Variants in ABCA13 observed in about 807,000 individuals in gnomAD.
ABCA13 encodes the protein ATP binding cassette subfamily A member 13, also known as ATP-binding cassette sub-family A member 13.
Under a neutral mutation model 478.7 loss-of-function variants are expected in ABCA13, and 476 were observed. The observed-to-expected ratio is 0.99, with a 90% CI of 0.92 to 1.07. The LOEUF is 1.07. ABCA13 is among the 50% of genes least tolerant of loss of function. The pLI, the probability that ABCA13 is intolerant of heterozygous loss-of-function variation, is 0.00. For missense variants in ABCA13, 6,060 were observed against 5,910.6 expected, an observed-to-expected ratio of 1.03 and a Z score of -0.83; for synonymous variants, 2,252 against 2,158.9, an observed-to-expected ratio of 1.04 and a Z score of -1.20.
intron 42 of ABCA13, among the ~76,000 whole-genome samples, chr7:48,449,988 C>G (rs1222401702): frequency 6.6e-6 from 1 of 152,186 alleles, no homozygotes; most frequent in Non-Finnish European, 1.5e-5. Context: ...ATGTATATTT[C>G]ACTGTGCTGT....
intron 42 of ABCA13, among the ~76,000 whole-genome samples, chr7:48,452,769 T>G (rs1473120915): frequency 6.6e-6 from 1 of 152,202 alleles, no homozygotes; most frequent in African/African-American, 2.4e-5. Flanking sequence ...GCATTTTACC[T>G]TGTCAGAGAA....
intron 42 of ABCA13, among the ~76,000 whole-genome samples, chr7:48,444,440 G>T (rs1056706172): frequency 1.3e-5 from 2 of 152,076 alleles, no homozygotes; most frequent in South Asian, 2.1e-4. Context: ...GTTTCAAAAG[G>T]CATCATCCTT....
intron 36 of ABCA13, among the ~76,000 whole-genome samples, chr7:48,388,580 C>T (rs1815548598): frequency 6.6e-6 from 1 of 152,176 alleles, no homozygotes; most frequent in African/African-American, 2.4e-5. Context: ...AACAAGCTCC[C>T]ATCGTGGTGG....
intron 43 of ABCA13, among the ~76,000 whole-genome samples, chr7:48,459,942 T>G (rs1427031874): frequency 1.3e-5 from 2 of 152,122 alleles, no homozygotes; most frequent in African/African-American, 4.8e-5. Context: ...TACCACTAGT[T>G]CACTGCATTA....
intron 29 of ABCA13, among the ~76,000 whole-genome samples, chr7:48,349,180 G>A (rs561025483): frequency 6.6e-6 from 1 of 152,316 alleles, no homozygotes; most frequent in African/African-American, 2.4e-5. Flanking sequence ...TATTATTGTA[G>A]ATATTTAGCA....
In ABCA13 at chr7:48,403,817, C is replaced by T. The variant is rs1268499687; in HGVS notation, c.12008C>T (p.Thr4003Ile). The T allele has an allele frequency of 1.9e-6, 3 of 1,613,868 alleles. No individual in the cohort carries two copies. The highest frequency in any genetic ancestry group is 1.1e-5 in the South Asian group (1 of 91,064). The change falls in exon 39 of 62, where the codon ACC becomes ATC. Residue 4003 changes from threonine (T) to isoleucine (I), a missense_variant. This residue lies in a region of ABCA13 where 1,627 missense variants were observed against 1,571.0 expected (regional missense o/e 1.04). Coordinates refer to ENST00000435803, the MANE Select transcript of ABCA13 (RefSeq NM_152701.5). Reference sequence around the variant, plus strand: ...AGGACCGTGGTTCTGGATGAGCCCACCAGTGGGGTGGACCCTTGCTCCCGG... The same window carrying T: ...AGGACCGTGGTTCTGGATGAGCCCATCAGTGGGGTGGACCCTTGCTCCCGG... ...MSRTVVLDEPTSGVDPCSRHS... is the reference protein window; with the variant it reads ...MSRTVVLDEPISGVDPCSRHS...
chr7:48,416,962 G>A (rs1422079920), intron 41 of ABCA13, among the ~76,000 whole-genome samples: 2 of 150,446 alleles, frequency 1.3e-5, no homozygotes, highest in Non-Finnish European at 3.0e-5. Context: ...TTAAACAGGA[G>A]TTACCCATTT....
At chr7:48,527,419 C>A (rs1437599123) in intron 54 of ABCA13, among the ~76,000 whole-genome samples, 1 of 152,058 alleles carries the variant, frequency 6.6e-6, no homozygotes. Flanking sequence ...CAGTTTGTAT[C>A]CATAGATCGC....
chr7:48,376,535 T>C lies in ABCA13; in HGVS notation c.11298T>C (p.Tyr3766=). ...TGATTCTTTTTGATTCAAGCCTTTA[T>C]TTTTTGTGTGGATGGTACTTGAGCA... is the stretch of plus-strand genomic sequence containing the variant. The part of the protein sequence containing the change: ...CWMILFDSSL[Y]FLCGWYLSNL... Residue 3766 remains tyrosine, a synonymous_variant, in exon 35 of 62, where the codon TAT becomes TAC. Coordinates refer to ENST00000435803, the MANE Select transcript of ABCA13 (RefSeq NM_152701.5). 1 of 1,613,898 alleles carries C rather than the reference T, an allele frequency of 6.2e-7. No homozygotes were observed. Among genetic ancestry groups the C allele is most frequent in the Non-Finnish European group, 8.5e-7 (1 of 1,179,808 alleles).
At chr7:48,196,750 T>A (rs983250119) in intron 2 of ABCA13, among the ~76,000 whole-genome samples, 1 of 152,152 alleles carries the variant, frequency 6.6e-6, no homozygotes, top group Admixed American at 6.5e-5. Flanking sequence ...TTCTGATGTG[T>A]TCCTGGAGAG....
chr7:48,353,085 C>T (rs950109844), intron 31 of ABCA13, among the ~76,000 whole-genome samples: 1 of 151,780 alleles, frequency 6.6e-6, no homozygotes, highest in Non-Finnish European at 1.5e-5. Context: ...TCAGGGAGGC[C>T]AGGCAGGGGA....
chr7:48,368,714 T>TATAC (rs1455176603), intron 32 of ABCA13, among the ~76,000 whole-genome samples: 14 of 118,570 alleles, frequency 1.2e-4, no homozygotes, highest in Admixed American at 1.7e-4. Flanking sequence ...TATATATATA[T>TATAC]ACACATACAC....
intron 42 of ABCA13, among the ~76,000 whole-genome samples, chr7:48,443,229 AGTTT>A (rs1823862914): frequency 6.6e-6 from 1 of 152,170 alleles, no homozygotes; most frequent in Admixed American, 6.5e-5. Context: ...AGTCTGTGGT[AGTTT>A]GTTTGGCAGC....
chr7:48,293,192 G>GCCCCCCCCCCCCCCCCC (rs367570188), intron 20 of ABCA13, among the ~76,000 whole-genome samples: 8 of 108,270 alleles, frequency 7.4e-5, no homozygotes, highest in Admixed American at 1.0e-4. Context: ...GAAGTCTTCA[G>GCCCCCCCCCCCCCCCCC]CCCCCCCCCC....
chr7:48,308,140 C>T (rs79740872), intron 23 of ABCA13, among the ~76,000 whole-genome samples: 5,944 of 152,122 alleles, frequency 0.039, 356 homozygotes, highest in African/African-American at 0.14. Flanking sequence ...CTTTTAAAAT[C>T]GTATTTTTAA....
intron 42 of ABCA13, among the ~76,000 whole-genome samples, chr7:48,440,856 A>T (rs967208420): frequency 6.6e-6 from 1 of 152,122 alleles, no homozygotes; most frequent in Non-Finnish European, 1.5e-5. Context: ...ATAAAAGCTA[A>T]TGCTATATGA....
intron 8 of ABCA13, 73 bp from the exon 9 acceptor site, chr7:48,239,168 G>C (rs1392738447): frequency 9.4e-6 from 14 of 1,489,884 alleles, no homozygotes; most frequent in Non-Finnish European, 1.3e-5. Flanking sequence ...GCAAGATCGT[G>C]GTGTTATTTT....
intron 1 of ABCA13, 115 bp downstream of exon 1, chr7:48,171,667 G>C: frequency 8.7e-7 from 1 of 1,145,788 alleles, no homozygotes; most frequent in Admixed American, 2.1e-5. Flanking sequence ...CATGCTGCAG[G>C]GAATTTGGGG....
chr7:48,268,996 T>G lies in ABCA13; in HGVS notation c.2022T>G (p.Ser674=). 6.3e-7 allele frequency: 1 copy of G among 1,581,226 alleles called. No individual in the cohort carries two copies. Among genetic ancestry groups the G allele is most frequent in the Non-Finnish European group, 8.7e-7 (1 of 1,153,250 alleles). Residue 674 remains serine (S), a synonymous_variant, in exon 16 of 62, where the codon TCT becomes TCG. Transcript: ENST00000435803. The part of the protein sequence containing the change: ...QNRLLAFPEE[S]PCFEENMDWK... ...TTTATTTAGCTTTTCCTGAGGAATC[T>G]CCTTGTTTTGAAGAAAACATGGATT...
Sources: allele counts gnomAD v4.1 joint callset (sites outside exome capture counted in the v4.1 genomes callset), GRCh38; gene constraint gnomAD v4.1.1; regional missense constraint gnomAD v4.1.1; transcripts MANE v1.5; gene names NCBI Gene and HGNC (gene_info 2026-07-23, HGNC 2026-07-21).